Variants in IL15 observed in about 807,000 individuals in gnomAD.
IL15 encodes the protein interleukin-15.
A neutral mutation model predicts 19.6 loss-of-function variants in IL15; 11 were observed. The ratio of observed to expected loss-of-function variants is 0.56; its 90% CI spans 0.35 to 0.93. IL15 has a LOEUF of 0.93. IL15 is among the 40% of genes least tolerant of loss of function. The pLI is 0.01. For synonymous variants in IL15, 58 were observed against 59.6 expected, an observed-to-expected ratio of 0.97 and a Z score of 0.12; for missense variants, 197 against 186.5, an observed-to-expected ratio of 1.06 and a Z score of -0.33.
chr4:141,724,754 A>T (rs1730203092), intron 5 of IL15, among the ~76,000 whole-genome samples: 1 of 152,138 alleles, frequency 6.6e-6, no homozygotes, highest in African/African-American at 2.4e-5. Flanking sequence ...AATGAAGATG[A>T]AATAGACAAT....
intron 2 of IL15, among the ~76,000 whole-genome samples, chr4:141,702,865 T>C (rs1394691156): frequency 6.6e-6 from 1 of 152,114 alleles, no homozygotes; most frequent in Non-Finnish European, 1.5e-5. Flanking sequence ...AGTGGAGAAA[T>C]ATCACCAGGT....
intron 2 of IL15, among the ~76,000 whole-genome samples, chr4:141,705,627 T>C (rs1305591921): frequency 6.6e-6 from 1 of 152,048 alleles, no homozygotes; most frequent in Non-Finnish European, 1.5e-5. Flanking sequence ...AATGTTTCTT[T>C]GTTGATTTTT....
intron 2 of IL15, among the ~76,000 whole-genome samples, chr4:141,685,101 A>T (rs991059329): frequency 6.6e-6 from 1 of 152,166 alleles, no homozygotes; most frequent in Non-Finnish European, 1.5e-5. Flanking sequence ...AACTTCTGTC[A>T]TGTACGTTGC....
intron 2 of IL15, among the ~76,000 whole-genome samples, chr4:141,689,235 A>T (rs1254825408): frequency 1.3e-5 from 2 of 152,190 alleles, no homozygotes; most frequent in Non-Finnish European, 2.9e-5. Flanking sequence ...CACAGTGTGG[A>T]AGGGGACCTG....
intron 1 of IL15, among the ~76,000 whole-genome samples, chr4:141,654,086 C>T (rs148395867): frequency 5.9e-5 from 9 of 152,240 alleles, no homozygotes; most frequent in East Asian, 1.9e-4. Flanking sequence ...AATATACATG[C>T]GAGAGGCTTA....
chr4:141,664,626 A>G (rs1411020821), intron 2 of IL15, among the ~76,000 whole-genome samples: 1 of 152,218 alleles, frequency 6.6e-6, no homozygotes, highest in Admixed American at 6.5e-5. Flanking sequence ...TCAGCCCCAC[A>G]TAAGACACCA....
At position 141,656,305 on chromosome 4, in the gene IL15, C is replaced by T. The variant is rs996429480; in HGVS notation, c.-102C>T. ...AGCAGATAGCCAGCCCATACAAGAT[C>T]GTGTAAGTAAAGTTTTAAAAGTTTT... On this transcript the variant is annotated splice_region_variant and 5_prime_UTR_variant, in exon 2 of 8. Transcript: ENST00000320650. The T allele has an allele frequency of 1.3e-4, 51 of 397,970 alleles. No individual in the cohort carries two copies. The highest frequency in any genetic ancestry group is 8.2e-4 in the African/African-American group (40 of 48,632). The allele number at this position is 397,970 out of a possible 1,614,324, so 24.7% of individuals were successfully genotyped here.
At position 141,636,636 on chromosome 4, in the gene IL15, T is replaced by A. The variant is rs1192585842; in HGVS notation, c.-334T>A. 1 of 152,132 alleles carries A rather than the reference T, an allele frequency of 6.6e-6. No individual in the cohort carries two copies. Among genetic ancestry groups the A allele is most frequent in the Non-Finnish European group, 1.5e-5 (1 of 68,062 alleles). The allele number at this position is 152,132 out of a possible 1,614,324, so 9.4% of individuals were successfully genotyped here. A position where few individuals can be genotyped will look rare whatever the true frequency, so the allele number is the denominator to read the frequency against. The stretch of plus-strand genomic sequence containing the variant: ...GGCAGGCGCCCGGGGGAATCCCAGC[T>A]GACTCGCTCACTGCCTTCGAAGTCC... On this transcript the variant is annotated 5_prime_UTR_variant, in exon 1 of 8. Transcript: ENST00000320650.
At chr4:141,655,104 A>G (rs1727545068) in intron 1 of IL15, among the ~76,000 whole-genome samples, 1 of 152,120 alleles carries the variant, frequency 6.6e-6, no homozygotes, top group Non-Finnish European at 1.5e-5. Context: ...ATCCTATGTC[A>G]TTTATGGTAC....
intron 1 of IL15, among the ~76,000 whole-genome samples, chr4:141,650,712 A>G (rs1050482621): frequency 6.6e-6 from 1 of 152,046 alleles, no homozygotes; most frequent in Non-Finnish European, 1.5e-5. Context: ...CAGGAAACCA[A>G]CATAACATGG....
intron 2 of IL15, among the ~76,000 whole-genome samples, chr4:141,707,520 T>C (rs1729561294): frequency 6.6e-6 from 1 of 152,200 alleles, no homozygotes; most frequent in African/African-American, 2.4e-5. Context: ...TAGTTTTTGT[T>C]TCCAATTTTA....
chr4:141,722,882 A>G (rs372607937), intron 5 of IL15, among the ~76,000 whole-genome samples: 219 of 152,344 alleles, frequency 1.4e-3, no homozygotes, highest in African/African-American at 5.0e-3. Context: ...ACTGAAATAT[A>G]AAGCAAACTG....
chr4:141,692,204 T>C (rs56332929), intron 2 of IL15, among the ~76,000 whole-genome samples: 21,378 of 152,234 alleles, frequency 0.14, 1,640 homozygotes, highest in African/African-American at 0.18. Flanking sequence ...CAGGGTGCCA[T>C]GTCCCGAGGC....
intron 2 of IL15, among the ~76,000 whole-genome samples, chr4:141,709,370 A>G (rs922935396): frequency 6.6e-6 from 1 of 152,194 alleles, no homozygotes; most frequent in African/African-American, 2.4e-5. Flanking sequence ...TATATACTAC[A>G]TAAAAAGGTT....
In IL15 at chr4:141,641,607, C is replaced by T. The variant is rs1258958877; in HGVS notation, c.-222+4859C>T. ...ATTGCAAGGACAAAAAACCAAACAC[C>T]GCATGTTCTCACTCATAGGTGGGAA... On this transcript the variant is annotated intron_variant, in intron 1 of 7. Transcript: ENST00000320650. Among the ~76,000 whole-genome samples the T allele has an allele frequency of 4.7e-5, 7 of 149,138 alleles. 1 individual carries two copies. In the South Asian group the frequency reaches 1.1e-3, roughly 23 times the overall value.
chr4:141,662,574 C>G (rs1411012308), intron 2 of IL15, among the ~76,000 whole-genome samples: 1 of 152,134 alleles, frequency 6.6e-6, no homozygotes, highest in Non-Finnish European at 1.5e-5. Context: ...GTATGTGCAT[C>G]TCTTGTAAAC....
intron 2 of IL15, among the ~76,000 whole-genome samples, chr4:141,674,185 G>GT (rs923165038): frequency 6.6e-6 from 1 of 152,046 alleles, no homozygotes; most frequent in Non-Finnish European, 1.5e-5. Context: ...TTGGTTTTTG[G>GT]TTTTTTTATT....
intron 2 of IL15, among the ~76,000 whole-genome samples, chr4:141,662,022 CT>C (rs1560906632): frequency 6.6e-6 from 1 of 152,106 alleles, no homozygotes; most frequent in South Asian, 2.1e-4. Flanking sequence ...CCCTAGTTGT[CT>C]TTTTCGTTTT....
intron 2 of IL15, among the ~76,000 whole-genome samples, chr4:141,661,963 C>CTGTTCTTTACTGTTTTAA (rs1727806268): frequency 6.6e-6 from 1 of 152,034 alleles, no homozygotes. Flanking sequence ...TTTACTGTTC[C>CTGTTCTTTACTGTTTTAA]ATGGATTATT....
Sources: gnomAD v4.1 joint callset for allele counts (sites outside exome capture counted in the v4.1 genomes callset) on GRCh38, gnomAD v4.1.1 for gene constraint, MANE v1.5 for transcripts, NCBI Gene and HGNC (gene_info 2026-07-23, HGNC 2026-07-21) for gene names.